Variants in SPATA13 observed in about 807,000 individuals in gnomAD.
SPATA13 encodes the protein spermatogenesis associated 13.
Under a neutral mutation model 104.0 loss-of-function variants are expected in SPATA13, and 50 were observed. That is an observed-to-expected ratio of 0.48 (90% CI 0.38 to 0.61). The LOEUF is 0.61. Among genes scored for constraint, SPATA13 ranks in the 20% least tolerant of loss-of-function variants. SPATA13 has a pLI of 0.00. For synonymous variants in SPATA13, 606 were observed against 667.5 expected (o/e 0.91, Z 1.42); for missense variants, 1,524 against 1,690.6 (o/e 0.90, Z 1.73).
intron 3 of SPATA13, among the ~76,000 whole-genome samples, chr13:24,108,552 A>G (rs1880528369): frequency 6.6e-6 from 1 of 152,174 alleles, no homozygotes; most frequent in South Asian, 2.1e-4. Flanking sequence ...TTGTGCCAGG[A>G]CACTCACCCT....
intron 4 of SPATA13, chr13:24,253,101 G>A (rs1304486632): frequency 6.6e-6 from 1 of 152,192 alleles, no homozygotes; most frequent in East Asian, 1.9e-4. Context: ...GTCCCAGGAT[G>A]GAAGATTCAG....
chr13:24,291,439 G>A (rs1301646152), intron 9 of SPATA13, among the ~76,000 whole-genome samples: 1 of 152,240 alleles, frequency 6.6e-6, no homozygotes, highest in African/African-American at 2.4e-5. Flanking sequence ...AGCTTGAACT[G>A]TAAAAGGGTG....
rs1367220123 is a variant in SPATA13 at position 24,048,679 on chromosome 13, A to AT, written c.-112+30980dup. Among the ~76,000 whole-genome samples, 14 of 112,244 alleles carry AT rather than the reference A, an allele frequency of 1.2e-4. 1 individual carries two copies. Among genetic ancestry groups the AT allele is most frequent in the South Asian group, 1.0e-3 (3 of 2,876 alleles). 73.6% of individuals were successfully genotyped at this position (112,244 alleles called of 152,430 possible). On this transcript the variant is annotated intron_variant, in intron 3 of 14. Coordinates refer to the SPATA13 transcript ENST00000424834. ...TTAGAGTCATCAGTCTCTGATCAAA[A>AT]TTAAAAAAAAGATAAATAAATTGTA...
chr13:24,065,778 G>T (rs1878937914), intron 3 of SPATA13, among the ~76,000 whole-genome samples: 1 of 152,188 alleles, frequency 6.6e-6, no homozygotes, highest in African/African-American at 2.4e-5. Context: ...ACCATAAATA[G>T]TTCTTTCGAC....
chr13:24,074,513 C>T (rs764591593), intron 3 of SPATA13, among the ~76,000 whole-genome samples: 2 of 145,334 alleles, frequency 1.4e-5, no homozygotes, highest in Non-Finnish European at 3.0e-5. Context: ...GATGACTGTC[C>T]CTTATGCAGC....
chr13:24,255,138 C>A (rs941408024), intron 4 of SPATA13, among the ~76,000 whole-genome samples: 2 of 152,234 alleles, frequency 1.3e-5, no homozygotes, highest in Non-Finnish European at 2.9e-5. Flanking sequence ...ATCTCTCCTA[C>A]TCAGAAAGGC....
chr13:24,202,708 A>G (rs1295495163), intron 1 of SPATA13, among the ~76,000 whole-genome samples: 2 of 151,318 alleles, frequency 1.3e-5, no homozygotes, highest in Non-Finnish European at 2.9e-5. Context: ...GTCTTATTAG[A>G]TAGTTTTTTT....
chr13:24,178,139 C>A (rs1868547534), intron 1 of SPATA13, among the ~76,000 whole-genome samples: 1 of 152,176 alleles, frequency 6.6e-6, no homozygotes, highest in African/African-American at 2.4e-5. Flanking sequence ...CAGATGTGAA[C>A]CACCATACCC....
At chr13:24,273,044 G>A (rs1336686547) in intron 4 of SPATA13, 1 of 152,722 alleles carries the variant, frequency 6.5e-6, no homozygotes, top group African/African-American at 2.4e-5. Context: ...TGTCAGCCAG[G>A]ATGGACGGGA....
At chr13:24,189,257 G>T (rs371862175) in intron 1 of SPATA13, among the ~76,000 whole-genome samples, 1 of 151,784 alleles carries the variant, frequency 6.6e-6, no homozygotes, top group East Asian at 1.9e-4. Context: ...GGATCACGAC[G>T]TCAGGAGATG....
At chr13:24,058,891 C>T (rs544542933) in intron 3 of SPATA13, among the ~76,000 whole-genome samples, 1 of 151,894 alleles carries the variant, frequency 6.6e-6, no homozygotes, top group South Asian at 2.1e-4. Flanking sequence ...CATTTGTTTA[C>T]CCCAGTAATG....
intron 2 of SPATA13, among the ~76,000 whole-genome samples, chr13:23,990,686 G>A (rs891265598): frequency 6.6e-6 from 1 of 152,208 alleles, no homozygotes; most frequent in African/African-American, 2.4e-5. Flanking sequence ...ATAAAAGGGT[G>A]CACCCCACGA....
chr13:24,070,299 T>G (rs1355646529), intron 3 of SPATA13, among the ~76,000 whole-genome samples: 1 of 152,210 alleles, frequency 6.6e-6, no homozygotes, highest in Non-Finnish European at 1.5e-5. Context: ...GATGCGTGGC[T>G]GACCAGGGCT....
chr13:24,215,779 C>G (rs1338752958), intron 1 of SPATA13, among the ~76,000 whole-genome samples: 1 of 152,146 alleles, frequency 6.6e-6, no homozygotes, highest in African/African-American at 2.4e-5. Context: ...CAGTCTGCCT[C>G]TGCCAAGCAG....
chr13:24,014,440 A>G (rs1876618853), intron 2 of SPATA13, among the ~76,000 whole-genome samples: 1 of 152,328 alleles, frequency 6.6e-6, no homozygotes, highest in African/African-American at 2.4e-5. Flanking sequence ...ATAGCCTGCT[A>G]TTGACCAGAA....
intron 3 of SPATA13, chr13:24,122,849 T>G: frequency 1.3e-6 from 1 of 773,150 alleles, no homozygotes; most frequent in Admixed American, 1.7e-5. Flanking sequence ...CCTCATAGAA[T>G]TCTAAGACAT....
intron 3 of SPATA13, among the ~76,000 whole-genome samples, chr13:24,150,042 G>A (rs115765591): frequency 0.026 from 3,968 of 152,176 alleles, 88 homozygotes; most frequent in African/African-American, 0.061. Context: ...CAGAAAGCTG[G>A]TATCTGCCTG....
At chr13:24,200,851 A>G (rs1870356402) in intron 1 of SPATA13, among the ~76,000 whole-genome samples, 1 of 152,014 alleles carries the variant, frequency 6.6e-6, no homozygotes, top group African/African-American at 2.4e-5. Context: ...ACTCACTCCC[A>G]CAATGAAAAT....
chr13:24,277,795 A>G (rs1472839313), intron 4 of SPATA13, among the ~76,000 whole-genome samples: 1 of 152,196 alleles, frequency 6.6e-6, no homozygotes, highest in African/African-American at 2.4e-5. Context: ...CTGTCCTTTA[A>G]GATGGTAAGC....
Sources: allele counts gnomAD v4.1 joint callset (sites outside exome capture counted in the v4.1 genomes callset), GRCh38; gene constraint gnomAD v4.1.1; transcripts MANE v1.5; gene names NCBI Gene and HGNC (gene_info 2026-07-23, HGNC 2026-07-21).